EFR3A: variants seen among roughly 807,000 people sequenced by gnomAD.
EFR3A encodes protein EFR3 homolog A.
A neutral mutation model predicts 104.4 loss-of-function variants in EFR3A; 76 were observed. The observed-to-expected ratio is 0.73, with a 90% confidence interval of 0.60 to 0.88. The LOEUF is 0.88. Ranked by LOEUF, EFR3A falls within the 40% of genes least tolerant of loss-of-function variation. The probability of loss-of-function intolerance (pLI) is 0.00; values close to 1 mark genes in which losing one functional copy is unlikely to be tolerated. For synonymous variants in EFR3A, 330 were observed against 330.0 expected (o/e 1.00, Z 0.00); for missense variants, 985 against 1,012.5 (o/e 0.97, Z 0.37).
rs1002377382 is a variant in EFR3A, at chr8:131,955,778, C to T, written c.649C>T (p.Pro217Ser). The T allele has an allele frequency of 3.7e-6, 6 of 1,610,774 alleles. No individual in the cohort carries two copies. Among genetic ancestry groups the T allele is most frequent in the Non-Finnish European group, 5.1e-6 (6 of 1,178,142 alleles). The change falls in exon 7 of 23, where the codon CCT (proline) becomes TCT (serine). Residue 217 changes from proline to serine, a missense_variant. By Grantham distance (74) the Pro-to-Ser change is moderately conservative (BLOSUM62 -1). Coordinates refer to ENST00000254624, the MANE Select transcript of EFR3A (RefSeq NM_015137.6). ...KIEEVDSRIG[P>S]PSSPSATDKE... ...CTCGTTCCTTTTTAGTCGCATAGGC[C>T]CTCCTTCTTCTCCTTCTGCAACTGA... is the stretch of plus-strand genomic sequence containing the variant.
intron 18 of EFR3A, among the ~76,000 whole-genome samples, chr8:131,996,029 A>G (rs1209722317): frequency 6.6e-6 from 1 of 152,190 alleles, no homozygotes; most frequent in Non-Finnish European, 1.5e-5. Context: ...TATAAGGGCA[A>G]TATTGTCAGT....
At chr8:131,925,277 TGAA>T (rs1817242461) in intron 1 of EFR3A, among the ~76,000 whole-genome samples, 4 of 152,208 alleles carry the variant, frequency 2.6e-5, no homozygotes, top group Admixed American at 1.3e-4. Context: ...ACTAAAATAA[TGAA>T]GATTTTTGTT....
At chr8:131,940,387 C>T (rs900977459) in intron 1 of EFR3A, 112 bp from the exon 2 acceptor site, 4 of 982,818 alleles carry the variant, frequency 4.1e-6, no homozygotes, top group Non-Finnish European at 5.9e-6. Context: ...TTATTTGTGA[C>T]AGTTTGAACT....
intron 4 of EFR3A, among the ~76,000 whole-genome samples, chr8:131,948,223 C>A (rs1247090202): frequency 6.6e-6 from 1 of 152,092 alleles, no homozygotes; most frequent in East Asian, 1.9e-4. Context: ...ATTCCAGAGT[C>A]TGACTACCCC....
chr8:131,976,271 G>A, intron 11 of EFR3A, 130 bp downstream of exon 11: 1 of 653,658 alleles, frequency 1.5e-6, no homozygotes, highest in East Asian at 2.8e-5. Flanking sequence ...AAAGCAGTTA[G>A]TATTATTATG....
intron 1 of EFR3A, among the ~76,000 whole-genome samples, chr8:131,919,351 A>G (rs1816888119): frequency 6.6e-6 from 1 of 152,134 alleles, no homozygotes; most frequent in South Asian, 2.1e-4. Context: ...TAATCCCAGC[A>G]CTTTGGGCGG....
At position 132,000,849 on chromosome 8, in the gene EFR3A, A is replaced by G. The variant is rs910558035; in HGVS notation, c.2158-910A>G. Reference sequence around the variant, plus strand: ...CTCAGTAGCAAAACTGAGGGAGTGGAACTCTTGCTGCTTGATTTCCAGCTA... The same window carrying G: ...CTCAGTAGCAAAACTGAGGGAGTGGGACTCTTGCTGCTTGATTTCCAGCTA... On this transcript the variant is annotated intron_variant, in intron 19 of 22. Coordinates refer to ENST00000254624, the MANE Select transcript of EFR3A (RefSeq NM_015137.6). The G allele has an allele frequency of 5.3e-5, 8 of 152,324 alleles. No individual in the cohort carries two copies. In the East Asian group the frequency reaches 9.7e-4, roughly 18 times the overall value. The allele number at this position is 152,324 out of a possible 1,614,324, so 9.4% of individuals were successfully genotyped here. A position where few individuals can be genotyped will look rare whatever the true frequency, so the allele number is the denominator to read the frequency against.
intron 8 of EFR3A, among the ~76,000 whole-genome samples, chr8:131,965,812 A>G (rs1290098276): frequency 6.6e-6 from 1 of 152,090 alleles, no homozygotes; most frequent in Non-Finnish European, 1.5e-5. Context: ...GAACCAACCC[A>G]GATGTCCAAC....
At chr8:131,984,603 A>G (rs1328998202) in intron 15 of EFR3A, among the ~76,000 whole-genome samples, 1 of 152,168 alleles carries the variant, frequency 6.6e-6, no homozygotes, top group African/African-American at 2.4e-5. Flanking sequence ...AGAATGACAT[A>G]CATGCAGTTG....
chr8:132,008,012 GA>G (rs1396378244), intron 22 of EFR3A, among the ~76,000 whole-genome samples: 1 of 151,838 alleles, frequency 6.6e-6, no homozygotes, highest in Non-Finnish European at 1.5e-5. Flanking sequence ...GAAAACATAG[GA>G]AAGAGTCCTC....
chr8:131,904,258 T>C lies in EFR3A; in HGVS notation c.-55T>C. 1 of 1,281,838 alleles carries C rather than the reference T, an allele frequency of 7.8e-7. No homozygotes were observed. Among genetic ancestry groups the C allele is most frequent in the Non-Finnish European group, 9.9e-7 (1 of 1,012,462 alleles). The allele number at this position is 1,281,838 out of a possible 1,614,324, so 79.4% of individuals were successfully genotyped here. A position where few individuals can be genotyped will look rare whatever the true frequency, so the allele number is the denominator to read the frequency against. ...ACGGCCGTCATGGTGCCGTCGGCGC[T>C]CCCTGCGCGGCCCCGCTGAGCCTCG... is the stretch of plus-strand genomic sequence containing the variant. On this transcript the variant is annotated 5_prime_UTR_variant, in exon 1 of 23. Transcript: ENST00000254624.
chr8:131,961,944 A>G (rs562447754), intron 8 of EFR3A, among the ~76,000 whole-genome samples: 3 of 152,320 alleles, frequency 2.0e-5, no homozygotes, highest in Non-Finnish European at 2.9e-5. Flanking sequence ...CCAGAATTTC[A>G]TATCCAGCCA....
intron 17 of EFR3A, among the ~76,000 whole-genome samples, chr8:131,987,230 GTC>G (rs1434211187): frequency 6.6e-6 from 1 of 151,342 alleles, no homozygotes; most frequent in African/African-American, 2.4e-5. Context: ...TTTTTATTTT[GTC>G]TCTCAGTACA....
chr8:131,966,957 T>A (rs546642540), intron 8 of EFR3A, among the ~76,000 whole-genome samples: 1 of 152,316 alleles, frequency 6.6e-6, no homozygotes, highest in African/African-American at 2.4e-5. Flanking sequence ...AAAGAACACA[T>A]GCTCTGGTTT....
At chr8:131,988,297 C>G (rs1480016555) in intron 18 of EFR3A, among the ~76,000 whole-genome samples, 1 of 151,954 alleles carries the variant, frequency 6.6e-6, no homozygotes, top group Non-Finnish European at 1.5e-5. Flanking sequence ...ATGTCTTATG[C>G]TTTCATTTTA....
chr8:131,913,205 G>T lies in EFR3A; in HGVS notation c.10+8883G>T, dbSNP rs141609915. 2.4e-3 allele frequency among the ~76,000 whole-genome samples: 350 copies of T among 147,002 alleles called. 2 individuals carry two copies. The highest frequency in any genetic ancestry group is 8.4e-3 in the African/African-American group (336 of 39,880). On this transcript the variant is annotated intron_variant, in intron 1 of 22. Coordinates refer to ENST00000254624, the MANE Select transcript of EFR3A (RefSeq NM_015137.6). ...TTCTAGGGAAGTATGATCACAAAAT[G>T]AATGTTGGCAGTTCCTCCTATGATT... is the stretch of plus-strand genomic sequence containing the variant.
chr8:131,956,237 A>G (rs1488801549), intron 7 of EFR3A, among the ~76,000 whole-genome samples: 1 of 152,176 alleles, frequency 6.6e-6, no homozygotes, highest in South Asian at 2.1e-4. Flanking sequence ...ATCTTGTTCT[A>G]CTAACTTTCA....
chr8:131,961,857 T>C (rs1819359677), intron 8 of EFR3A, among the ~76,000 whole-genome samples: 1 of 152,212 alleles, frequency 6.6e-6, no homozygotes, highest in South Asian at 2.1e-4. Flanking sequence ...TAACAGCGGA[T>C]CTCTTGGCAG....
chr8:131,976,151 C>T lies in EFR3A; in HGVS notation c.1274+10C>T. ...ATATCAGTCAACTAGGGTATGTTCT[C>T]AGACTGTAAATTTGAACTTAATCTT... On this transcript the variant is annotated intron_variant, in intron 11 of 22. Transcript: ENST00000254624. 8.2e-6 allele frequency: 12 copies of T among 1,464,948 alleles called. No individual in the cohort carries two copies. Among genetic ancestry groups the T allele is most frequent in the Non-Finnish European group, 1.1e-5 (12 of 1,061,474 alleles). 90.7% of individuals were successfully genotyped at this position (1,464,948 alleles called of 1,614,324 possible).
Sources: gnomAD v4.1 joint callset for allele counts (sites outside exome capture counted in the v4.1 genomes callset) on GRCh38, gnomAD v4.1.1 for gene constraint, MANE v1.5 for transcripts, NCBI Gene and HGNC (gene_info 2026-07-23, HGNC 2026-07-21) for gene names.